Variants in XDH observed in about 807,000 individuals in gnomAD.
The protein encoded by XDH is xanthine dehydrogenase, also known as xanthine dehydrogenase/oxidase.
Under a neutral mutation model 156.1 loss-of-function variants are expected in XDH, and 138 were observed. The observed-to-expected ratio is 0.88, with a 90% CI of 0.77 to 1.02. The LOEUF (loss-of-function observed/expected upper bound fraction) is 1.02, where lower values mean the gene tolerates loss of function less well. Among genes scored for constraint, XDH ranks in the 50% least tolerant of loss-of-function variants. The pLI, the probability that XDH is intolerant of heterozygous loss-of-function variation, is 0.00. For missense variants in XDH, 1,849 were observed against 1,684.9 expected (o/e 1.10, Z -1.71); for synonymous variants, 669 against 625.7 (o/e 1.07, Z -1.03).
chr2:31,386,932 G>C (rs1359351651), intron 8 of XDH, among the ~76,000 whole-genome samples: 1 of 126,950 alleles, frequency 7.9e-6, no homozygotes. Flanking sequence ...AGAAGGGAGG[G>C]AGGGAGGGAG....
chr2:31,387,870 G>T lies in XDH; in HGVS notation c.592C>A (p.Pro198Thr). The change falls in exon 8 of 36, where the codon CCA becomes ACA. Residue 198 changes from proline (P) to threonine (T), a missense_variant. Transcript: ENST00000379416. ...GGATCCAGGGGCGTGAACTCCTCTG[G>T]TTTGAATAAAGATGGCGAGAGGCTG... ...SVSLSPSLFK[P>T]EEFTPLDPTQ... 2 of 1,587,420 alleles carry T rather than the reference G, an allele frequency of 1.3e-6. No individual in the cohort carries two copies. Among genetic ancestry groups the T allele is most frequent in the Non-Finnish European group, 1.7e-6 (2 of 1,167,366 alleles).
At chr2:31,337,546 C>A (rs1444230909) in intron 35 of XDH, 95 bp downstream of exon 35, 1 of 1,577,024 alleles carries the variant, frequency 6.3e-7, no homozygotes, top group Non-Finnish European at 8.7e-7. Flanking sequence ...TAGGAGAGAG[C>A]CCAACACCTC....
At chr2:31,394,883 T>C (rs1686863084) in intron 6 of XDH, among the ~76,000 whole-genome samples, 1 of 152,220 alleles carries the variant, frequency 6.6e-6, no homozygotes, top group African/African-American at 2.4e-5. Flanking sequence ...TAGCATTTCT[T>C]TTTAATTCTT....
In XDH at chr2:31,373,861, G is replaced by A; in HGVS notation, c.1686+12C>T. 1 of 1,613,492 alleles carries A rather than the reference G, an allele frequency of 6.2e-7. No homozygotes were observed. Among genetic ancestry groups the A allele is most frequent in the South Asian group, 1.1e-5 (1 of 90,984 alleles). On this transcript the variant is annotated intron_variant, in intron 16 of 35. Transcript: ENST00000379416. ...AGTCCCCTGATATTAGCCATACACT[G>A]ACCGTACTCACTTGGAAGAGCTGGA... is the stretch of plus-strand genomic sequence containing the variant.
At position 31,345,221 on chromosome 2, in the gene XDH, A is replaced by T. The variant is rs1884724; in HGVS notation, c.3352-485T>A. 3.8e-3 allele frequency among the ~76,000 whole-genome samples: 577 copies of T among 152,272 alleles called. 4 individuals carry two copies. Among genetic ancestry groups the T allele is most frequent in the African/African-American group, 0.013 (556 of 41,542 alleles). On this transcript the variant is annotated intron_variant, in intron 30 of 35. Coordinates refer to ENST00000379416, the MANE Select transcript of XDH (RefSeq NM_000379.4). ...TGTGGTTCCTCTTCTATATATGTGCAAATCCTTTTCTTCCCTCAACAACTA... is the reference window on the plus strand; with the variant it reads ...TGTGGTTCCTCTTCTATATATGTGCTAATCCTTTTCTTCCCTCAACAACTA...
chr2:31,362,984 A>T (rs913498290), intron 24 of XDH, among the ~76,000 whole-genome samples: 15 of 152,258 alleles, frequency 9.9e-5, no homozygotes, highest in African/African-American at 3.6e-4. Flanking sequence ...AATATTATTC[A>T]TCAATGAACA....
At chr2:31,401,868 C>T (rs1287267639) in intron 3 of XDH, among the ~76,000 whole-genome samples, 1 of 152,202 alleles carries the variant, frequency 6.6e-6, no homozygotes, top group Non-Finnish European at 1.5e-5. Context: ...ATCACTCATT[C>T]ACTTACATTC....
At chr2:31,384,622 C>T (rs1686534454) in intron 9 of XDH, among the ~76,000 whole-genome samples, 1 of 152,144 alleles carries the variant, frequency 6.6e-6, no homozygotes, top group Admixed American at 6.5e-5. Context: ...CCAGCCCTGC[C>T]AACAGTGTAT....
rs1685002199 is a variant in XDH, at chr2:31,337,681, T to C, written c.3911A>G (p.Glu1304Gly). The C allele has an allele frequency of 6.2e-7, 1 of 1,614,178 alleles. No homozygotes were observed. The change falls in exon 35 of 36, where the codon GAG (glutamate) becomes GGG (glycine). Residue 1304 changes from glutamate (E) to glycine (G), a missense_variant. Glu to Gly is a moderately conservative substitution (Grantham distance 98, BLOSUM62 -2). Coordinates refer to ENST00000379416, the MANE Select transcript of XDH (RefSeq NM_000379.4). Reference protein sequence around the residue: ...LFRLDSPATPEKIRNACVDKF... With the variant: ...LFRLDSPATPGKIRNACVDKF... ...GTCCACGCAGGCATTGCGGATCTTC[T>C]CCGGGGTGGCAGGGCTGTCTAGCCG...
At chr2:31,352,425 T>C (rs1441103704) in intron 24 of XDH, among the ~76,000 whole-genome samples, 1 of 152,212 alleles carries the variant, frequency 6.6e-6, no homozygotes, top group Non-Finnish European at 1.5e-5. Context: ...GCTTTATGTG[T>C]CTTTGATAAT....
chr2:31,384,146 G>GTGTGTGTA lies in XDH; in HGVS notation c.794-300_794-299insTACACACA, dbSNP rs1443119021. 1.3e-5 allele frequency: 5 copies of GTGTGTGTA among 391,590 alleles called. No individual in the cohort carries two copies. In the East Asian group the frequency reaches 3.0e-4, roughly 23 times the overall value. The allele number at this position is 391,590 out of a possible 1,614,324, so 24.3% of individuals were successfully genotyped here. A position where few individuals can be genotyped will look rare whatever the true frequency, so the allele number is the denominator to read the frequency against. On this transcript the variant is annotated intron_variant, in intron 9 of 35. Coordinates refer to ENST00000379416, the MANE Select transcript of XDH (RefSeq NM_000379.4). ...TGTGTGTGTGTGTGTGTGTGTGTGT[G>GTGTGTGTA]TGTGTGTGTTTGTGTACATTAGAAA...
At position 31,339,610 on chromosome 2, in the gene XDH, C is replaced by G; in HGVS notation, c.3653G>C (p.Gly1218Ala). 5.0e-6 allele frequency: 8 copies of G among 1,614,122 alleles called. No homozygotes were observed. Among genetic ancestry groups the G allele is most frequent in the Non-Finnish European group, 5.9e-6 (7 of 1,180,012 alleles). The change falls in exon 34 of 36, where the codon GGG (glycine) becomes GCG (alanine). Residue 1218 changes from glycine to alanine, a missense_variant. By Grantham distance (60) the Gly-to-Ala change is moderately conservative. Coordinates refer to ENST00000379416, the MANE Select transcript of XDH (RefSeq NM_000379.4). ...TLEELHYSPE[G>A]SLHTRGPSTY... ...GCTAGGGCCACGGGTGTGCAGGCTC[C>G]CCTCGGGGGAATAGTGTAGCTCCTC...
At chr2:31,346,640 C>G (rs1241023300) in intron 30 of XDH, 129 bp downstream of exon 30, 5 of 1,135,432 alleles carry the variant, frequency 4.4e-6, no homozygotes, top group Non-Finnish European at 6.7e-6. Flanking sequence ...ATCACACAAA[C>G]CACCTCAACT....
chr2:31,376,160 G>A (rs564624000), intron 14 of XDH, among the ~76,000 whole-genome samples: 8 of 151,982 alleles, frequency 5.3e-5, no homozygotes, highest in South Asian at 2.1e-4. Context: ...AGCAATAACA[G>A]AGCAGTAGTA....
In XDH at chr2:31,348,943, G is replaced by A; in HGVS notation, c.3007C>T (p.Pro1003Ser). The part of the protein sequence containing the change: ...CWKKRGLCII[P>S]TKFGISFTVP... ...GTAAAGCTTATTCCAAACTTGGTGG[G>A]AATTATGCACAATCCTCTCTTTTTC... The change falls in exon 27 of 36, where the codon CCC becomes TCC. Residue 1003 changes from proline to serine, a missense_variant. Coordinates refer to ENST00000379416, the MANE Select transcript of XDH (RefSeq NM_000379.4). The A allele has an allele frequency of 6.2e-7, 1 of 1,613,508 alleles. No individual in the cohort carries two copies.
At chr2:31,338,311 C>T (rs1400853635) in intron 34 of XDH, among the ~76,000 whole-genome samples, 1 of 152,110 alleles carries the variant, frequency 6.6e-6, no homozygotes, top group African/African-American at 2.4e-5. Flanking sequence ...TGGTTTTTCT[C>T]CCCCTCAAAG....
At position 31,388,246 on chromosome 2, in the gene XDH, T is replaced by C. The variant is rs770109772; in HGVS notation, c.545A>G (p.Asn182Ser). The change falls in exon 7 of 36, where the codon AAC (asparagine) becomes AGC (serine). Residue 182 changes from asparagine to serine, a missense_variant. By Grantham distance (46) the Asn-to-Ser change is conservative. Transcript: ENST00000379416. Reference protein sequence around the residue: ...GDGNNPNCCMNQKKDHSVSLS... With the variant: ...GDGNNPNCCMSQKKDHSVSLS... ...ACTTACTGAGTGGTCTTTCTTCTGG[T>C]TCATGCAGCAATTTGGATTATTCCC... 2.0e-5 allele frequency: 33 copies of C among 1,614,060 alleles called. No homozygotes were observed. The highest frequency in any genetic ancestry group is 1.6e-4 in the Middle Eastern group (1 of 6,084).
rs374644529 is a variant in XDH, at chr2:31,410,865, G to A, written c.42+3760C>T. ...ACTGCAAGGCGTAATCTTGGATTCC[G>A]GGCTGGGGTTGGGGAGTTATAAATG... is the stretch of plus-strand genomic sequence containing the variant. On this transcript the variant is annotated intron_variant, in intron 1 of 35. Transcript: ENST00000379416. Among the ~76,000 whole-genome samples the A allele has an allele frequency of 1.5e-3, 232 of 152,284 alleles. 1 individual carries two copies. The highest frequency in any genetic ancestry group is 5.4e-3 in the African/African-American group (224 of 41,564).
At chr2:31,382,856 C>T (rs1686474858) in intron 11 of XDH, 145 bp downstream of exon 11, 3 of 1,211,260 alleles carry the variant, frequency 2.5e-6, no homozygotes, top group Non-Finnish European at 3.5e-6. Flanking sequence ...CAGGAATCTG[C>T]ACTTTAACAA....
Sources: allele counts gnomAD v4.1 joint callset (sites outside exome capture counted in the v4.1 genomes callset), GRCh38; gene constraint gnomAD v4.1.1; transcripts MANE v1.5; gene names NCBI Gene and HGNC (gene_info 2026-07-23, HGNC 2026-07-21).